Variants in PPEF1 observed in about 807,000 individuals in gnomAD.
PPEF1 encodes serine/threonine-protein phosphatase with EF-hands 1.
Under a neutral mutation model 53.3 loss-of-function variants are expected in PPEF1, and 12 were observed. That is an observed-to-expected ratio of 0.23 (90% confidence interval 0.14 to 0.36). The LOEUF is 0.36. Ranked by LOEUF, PPEF1 falls within the 10% of genes least tolerant of loss-of-function variation. The pLI is 1.00. For synonymous variants in PPEF1, 165 were observed against 176.7 expected (o/e 0.93, Z 0.52); for missense variants, 334 against 490.4 (o/e 0.68, Z 3.01).
At chrX:18,783,789 T>C in intron 8 of PPEF1, 110 bp from the exon 9 acceptor site, 2 of 726,905 alleles carry the variant, frequency 2.8e-6, no homozygotes, top group Non-Finnish European at 4.1e-6. Context: ...GACTCCTTGC[T>C]GACTTCCTTT....
intron 6 of PPEF1, 78 bp downstream of exon 6, chrX:18,761,654 A>C: frequency 1.3e-6 from 1 of 744,242 alleles, no homozygotes; most frequent in Non-Finnish European, 2.1e-6. Context: ...TATTAGTTTT[A>C]CTAGAGATAT....
intron 1 of PPEF1, among the ~76,000 whole-genome samples, chrX:18,727,880 G>A (rs1365689941): frequency 1.8e-5 from 2 of 111,883 alleles, no homozygotes; most frequent in Non-Finnish European, 3.8e-5. Flanking sequence ...TGCATAGGGC[G>A]AGGCAAGGGG....
chrX:18,675,231 C>A (rs1463893670), upstream of PPEF1, among the ~76,000 whole-genome samples: 4 of 113,502 alleles, frequency 3.5e-5, no homozygotes, highest in East Asian at 1.1e-3. Context: ...CCCAAACTTT[C>A]CCTCAATCGA....
intron 13 of PPEF1, among the ~76,000 whole-genome samples, chrX:18,820,285 C>T (rs910384277): frequency 1.1e-4 from 12 of 111,140 alleles, no homozygotes; most frequent in African/African-American, 3.9e-4. Flanking sequence ...CAAAAATTGA[C>T]AGAATAAAAA....
chrX:18,675,636 C>T (rs904005797), upstream of PPEF1, among the ~76,000 whole-genome samples: 1 of 112,364 alleles, frequency 8.9e-6, no homozygotes, highest in Non-Finnish European at 1.9e-5. Flanking sequence ...CGGGGCCACC[C>T]GTCTATGGCT....
At chrX:18,780,537 T>A (rs1423940655) in intron 7 of PPEF1, among the ~76,000 whole-genome samples, 3 of 112,062 alleles carry the variant, frequency 2.7e-5, no homozygotes, top group Non-Finnish European at 5.6e-5. Context: ...CACCGAATAA[T>A]GTCATAAAAT....
chrX:18,739,411 G>C (rs775310430), intron 3 of PPEF1, among the ~76,000 whole-genome samples: 2 of 112,299 alleles, frequency 1.8e-5, no homozygotes, highest in South Asian at 3.7e-4. Flanking sequence ...TCCAGACCCT[G>C]TTTGCCTGAG....
upstream of PPEF1, among the ~76,000 whole-genome samples, chrX:18,706,242 T>C (rs765484535): frequency 6.0e-4 from 51 of 85,315 alleles, no homozygotes; most frequent in African/African-American, 2.1e-3. Context: ...AAAAAAGGAA[T>C]GCAAATATAT....
intron 1 of PPEF1, among the ~76,000 whole-genome samples, chrX:18,726,508 G>A (rs1362212025): frequency 9.0e-6 from 1 of 111,307 alleles, no homozygotes. Context: ...AAGTGACTTG[G>A]AGCAAGAGAC....
chrX:18,735,113 C>T (rs1279939972), intron 3 of PPEF1, among the ~76,000 whole-genome samples: 1 of 111,523 alleles, frequency 9.0e-6, no homozygotes, highest in Admixed American at 9.5e-5. Context: ...TTTTGCTGTG[C>T]GGAAGCTCTT....
At chrX:18,770,049 G>T (rs573803519) in intron 6 of PPEF1, among the ~76,000 whole-genome samples, 1 of 111,732 alleles carries the variant, frequency 8.9e-6, no homozygotes, top group African/African-American at 3.3e-5. Context: ...TGGACTTTCT[G>T]TATCTGTCAA....
intron 13 of PPEF1, among the ~76,000 whole-genome samples, chrX:18,820,103 C>T (rs1234616883): frequency 9.0e-6 from 1 of 111,476 alleles, no homozygotes; most frequent in African/African-American, 3.3e-5. Flanking sequence ...AAAACACTAA[C>T]AAAAACAAAG....
intron 9 of PPEF1, among the ~76,000 whole-genome samples, chrX:18,785,355 G>C (rs761234090): frequency 9.0e-6 from 1 of 111,450 alleles, no homozygotes; most frequent in African/African-American, 3.3e-5. Context: ...CCCAGCACCT[G>C]GGATGTAGTA....
At position 18,823,984 on chromosome X, in the gene PPEF1, A is replaced by G. The variant is rs1293621682; in HGVS notation, c.1563A>G (p.Pro521=). Residue 521 remains proline, a synonymous_variant, in exon 14 of 16, where the codon CCA becomes CCG. Transcript: ENST00000470157. ...CMENILGLNL[P]WRSLSSNLVN... ...AGAACATTTTGGGGCTGAACTTACC[A>G]TGGAGATCCCTCAGTTCGAATCTGG... 5.0e-6 allele frequency: 6 copies of G among 1,209,474 alleles called. No individual in the cohort carries two copies. The highest frequency in any genetic ancestry group is 2.2e-6 in the Non-Finnish European group (2 of 893,421).
chrX:18,763,768 A>T (rs1453631442), intron 6 of PPEF1, among the ~76,000 whole-genome samples: 1 of 111,890 alleles, frequency 8.9e-6, no homozygotes, highest in Non-Finnish European at 1.9e-5. Context: ...CTTGGAAGGG[A>T]AGAGGACAGG....
At chrX:18,756,035 G>A (rs1246236045) in intron 4 of PPEF1, among the ~76,000 whole-genome samples, 1 of 111,260 alleles carries the variant, frequency 9.0e-6, no homozygotes, top group Non-Finnish European at 1.9e-5. Flanking sequence ...GGAAAGATAC[G>A]ATACTTTTAA....
At chrX:18,678,508 T>C (rs1928763113), upstream of PPEF1, among the ~76,000 whole-genome samples, 1 of 111,785 alleles carries the variant, frequency 8.9e-6, no homozygotes, top group Non-Finnish European at 1.9e-5. Context: ...CACTTCCATG[T>C]CTCTGCTCTC....
intron 10 of PPEF1, among the ~76,000 whole-genome samples, chrX:18,798,615 G>A (rs1003854851): frequency 9.0e-6 from 1 of 110,971 alleles, no homozygotes; most frequent in African/African-American, 3.3e-5. Context: ...TGGCTGGAAG[G>A]TTTGGGCTGA....
At chrX:18,814,142 G>T (rs1158795245) in intron 12 of PPEF1, among the ~76,000 whole-genome samples, 1 of 111,612 alleles carries the variant, frequency 9.0e-6, no homozygotes, top group Non-Finnish European at 1.9e-5. Flanking sequence ...ATGGCTTCCA[G>T]CTGCATCCAT....
Sources: gnomAD v4.1 joint callset for allele counts (sites outside exome capture counted in the v4.1 genomes callset) on GRCh38, gnomAD v4.1.1 for gene constraint, MANE v1.5 for transcripts, NCBI Gene and HGNC (gene_info 2026-07-23, HGNC 2026-07-21) for gene names.